The following GRM8 variants were observed in gnomAD, a reference collection of about 807,000 sequenced individuals.
GRM8 encodes metabotropic glutamate receptor 8.
A neutral mutation model predicts 87.2 loss-of-function variants in GRM8; 47 were observed. The ratio of observed to expected loss-of-function variants is 0.54; its 90% confidence interval spans 0.43 to 0.69. The LOEUF is 0.69. Ranked by LOEUF, GRM8 falls within the 30% of genes least tolerant of loss-of-function variation. The probability of loss-of-function intolerance (pLI) is 0.00; values close to 1 mark genes in which losing one functional copy is unlikely to be tolerated. For synonymous variants in GRM8, 396 were observed against 404.5 expected, an observed-to-expected ratio of 0.98 and a Z score of 0.25; for missense variants, 1,019 against 1,139.2, an observed-to-expected ratio of 0.89 and a Z score of 1.52.
chr7:126,568,692 A>G (rs1476225023), intron 8 of GRM8, among the ~76,000 whole-genome samples: 1 of 152,210 alleles, frequency 6.6e-6, no homozygotes, highest in Admixed American at 6.6e-5. Context: ...AAATGACCAC[A>G]TTAAAGTTTA....
chr7:126,448,372 A>C (rs905133012), intron 9 of GRM8, among the ~76,000 whole-genome samples: 1 of 151,944 alleles, frequency 6.6e-6, no homozygotes, highest in Admixed American at 6.6e-5. Flanking sequence ...GTACTAGTCC[A>C]AATAGTATAA....
intron 8 of GRM8, among the ~76,000 whole-genome samples, chr7:126,606,838 G>C (rs547450097): frequency 6.6e-6 from 1 of 152,254 alleles, no homozygotes; most frequent in Admixed American, 6.5e-5. Context: ...GTACATAAAA[G>C]AGCAGCTTGA....
rs890401614 is a variant in GRM8 at position 127,065,750 on chromosome 7, G to A, written c.727+40746C>T. On this transcript the variant is annotated intron_variant, in intron 3 of 10. Transcript: ENST00000339582. Reference sequence around the variant, plus strand: ...CTTTTGTTACTGCCACAGTTGCAGAGCCCACCAGCGAAGTCTGGGACAGAG... The same window carrying A: ...CTTTTGTTACTGCCACAGTTGCAGAACCCACCAGCGAAGTCTGGGACAGAG... 6.2e-4 allele frequency among the ~76,000 whole-genome samples: 94 copies of A among 152,144 alleles called. 1 individual carries two copies. Among genetic ancestry groups the A allele is most frequent in the African/African-American group, 2.2e-3 (91 of 41,434 alleles).
chr7:126,623,239 A>G (rs916901325), intron 7 of GRM8, among the ~76,000 whole-genome samples: 1 of 152,204 alleles, frequency 6.6e-6, no homozygotes, highest in African/African-American at 2.4e-5. Flanking sequence ...GGGGTGTAAT[A>G]TAGAAATTGT....
At chr7:127,047,209 A>G (rs1672955606) in intron 3 of GRM8, among the ~76,000 whole-genome samples, 1 of 152,236 alleles carries the variant, frequency 6.6e-6, no homozygotes, top group African/African-American at 2.4e-5. Context: ...TTTAAGCCAC[A>G]GTGACATAGT....
chr7:127,077,418 C>T (rs1371946680), intron 3 of GRM8, among the ~76,000 whole-genome samples: 1 of 152,314 alleles, frequency 6.6e-6, no homozygotes, highest in Non-Finnish European at 1.5e-5. Flanking sequence ...CCCCAAATTG[C>T]TGTGATTTCC....
At chr7:126,851,592 A>T (rs1423465570) in intron 6 of GRM8, among the ~76,000 whole-genome samples, 1 of 152,032 alleles carries the variant, frequency 6.6e-6, no homozygotes, top group Non-Finnish European at 1.5e-5. Flanking sequence ...ACACCTAGAA[A>T]ATCATCTATT....
chr7:126,806,321 G>A (rs118185856), intron 6 of GRM8, among the ~76,000 whole-genome samples: 1 of 152,220 alleles, frequency 6.6e-6, no homozygotes, highest in African/African-American at 2.4e-5. Flanking sequence ...CTTCAGGAGT[G>A]AAGCTGCAGA....
intron 3 of GRM8, among the ~76,000 whole-genome samples, chr7:127,048,538 A>G (rs772662831): frequency 1.3e-5 from 2 of 152,222 alleles, no homozygotes; most frequent in Non-Finnish European, 2.9e-5. Flanking sequence ...AGGCCATGGC[A>G]GTATTGAGAA....
At chr7:126,830,317 C>A (rs1055246041) in intron 6 of GRM8, among the ~76,000 whole-genome samples, 1 of 152,240 alleles carries the variant, frequency 6.6e-6, no homozygotes, top group Non-Finnish European at 1.5e-5. Flanking sequence ...TGGTTCCATT[C>A]TCCCTGTCAC....
chr7:127,251,711 C>A (rs1159847738), intron 1 of GRM8, among the ~76,000 whole-genome samples: 1 of 151,334 alleles, frequency 6.6e-6, no homozygotes, highest in Admixed American at 6.6e-5. Context: ...GCGCCCACGC[C>A]CCGCGCGGGG....
At position 126,760,067 on chromosome 7, in the gene GRM8, T is replaced by A. The variant is rs534771455; in HGVS notation, c.1357+9798A>T. Among the ~76,000 whole-genome samples the A allele has an allele frequency of 3.3e-5, 5 of 152,272 alleles. No individual in the cohort carries two copies. In the East Asian group the frequency reaches 9.7e-4, roughly 29 times the overall value. On this transcript the variant is annotated intron_variant, in intron 7 of 10. Coordinates refer to ENST00000339582, the MANE Select transcript of GRM8 (RefSeq NM_000845.3). The stretch of plus-strand genomic sequence containing the variant: ...CACCACCTCAAATCTTCTCTGTTCC[T>A]ACATCTGTTTCCTCATTTTTCATTC...
chr7:126,707,313 G>T (rs190118597), intron 7 of GRM8, among the ~76,000 whole-genome samples: 1 of 151,914 alleles, frequency 6.6e-6, no homozygotes, highest in East Asian at 1.9e-4. Context: ...TTTAAATAAG[G>T]CTAAAGTTTC....
intron 8 of GRM8, among the ~76,000 whole-genome samples, chr7:126,547,317 C>T (rs957024926): frequency 5.3e-5 from 8 of 152,116 alleles, no homozygotes; most frequent in African/African-American, 1.7e-4. Flanking sequence ...TAGTCTTTTT[C>T]CCCAATGCAT....
chr7:127,144,977 T>G (rs910638751), intron 2 of GRM8, among the ~76,000 whole-genome samples: 5 of 152,122 alleles, frequency 3.3e-5, no homozygotes, highest in African/African-American at 1.2e-4. Flanking sequence ...TATGCATCTT[T>G]TCCCCAAAAT....
At chr7:126,571,360 G>T (rs567474013) in intron 8 of GRM8, among the ~76,000 whole-genome samples, 55 of 152,188 alleles carry the variant, frequency 3.6e-4, no homozygotes, top group Non-Finnish European at 6.0e-4. Context: ...AAGTAATTTA[G>T]ATTTTATGAG....
chr7:126,548,141 T>A (rs540049369), intron 8 of GRM8, among the ~76,000 whole-genome samples: 1 of 151,976 alleles, frequency 6.6e-6, no homozygotes, highest in South Asian at 2.1e-4. Flanking sequence ...ACATGAACTT[T>A]AACATCACAC....
chr7:126,939,012 G>C (rs185214993), intron 3 of GRM8, among the ~76,000 whole-genome samples: 1 of 152,082 alleles, frequency 6.6e-6, no homozygotes, highest in Non-Finnish European at 1.5e-5. Flanking sequence ...AGCACTTGGG[G>C]CAATGCCCAG....
At chr7:127,061,403 C>T (rs530275685) in intron 3 of GRM8, among the ~76,000 whole-genome samples, 1 of 152,290 alleles carries the variant, frequency 6.6e-6, no homozygotes, top group South Asian at 2.1e-4. Flanking sequence ...TCTGATAGCT[C>T]ATCATTTTTA....
Sources: gnomAD v4.1 joint callset for allele counts (sites outside exome capture counted in the v4.1 genomes callset) on GRCh38, gnomAD v4.1.1 for gene constraint, MANE v1.5 for transcripts, NCBI Gene and HGNC (gene_info 2026-07-23, HGNC 2026-07-21) for gene names.